The following B3GALNT1 variants were observed in gnomAD, a reference collection of about 807,000 sequenced individuals.
B3GALNT1 encodes UDP-GalNAc:beta-1,3-N-acetylgalactosaminyltransferase 1.
In B3GALNT1, 17 loss-of-function variants were observed where a neutral mutation model predicts 27.3. That is an observed-to-expected ratio of 0.62 (90% confidence interval 0.43 to 0.94). The LOEUF (loss-of-function observed/expected upper bound fraction) is 0.94, where lower values mean the gene tolerates loss of function less well. Ranked by LOEUF, B3GALNT1 falls within the 40% of genes least tolerant of loss-of-function variation. B3GALNT1 has a pLI of 0.00. For synonymous variants in B3GALNT1, 141 were observed against 144.0 expected (o/e 0.98, Z 0.15); for missense variants, 347 against 390.0 (o/e 0.89, Z 0.93).
rs1422532001 is a variant in B3GALNT1, at chr3:161,084,183, A to G, written c.*1576T>C. ...AGTCAAATCTAACCATGCCACAAAAATAACTACCACCATCTGTCTTAAAGA... is the reference window on the plus strand; with the variant it reads ...AGTCAAATCTAACCATGCCACAAAAGTAACTACCACCATCTGTCTTAAAGA... On this transcript the variant is annotated 3_prime_UTR_variant, in exon 5 of 5. Coordinates refer to ENST00000320474, the MANE Select transcript of B3GALNT1 (RefSeq NM_003781.4). 2 of 152,212 alleles carry G rather than the reference A, an allele frequency of 1.3e-5. No individual in the cohort carries two copies. Among genetic ancestry groups the G allele is most frequent in the Non-Finnish European group, 2.9e-5 (2 of 68,028 alleles). The allele number at this position is 152,212 out of a possible 1,614,324, so 9.4% of individuals were successfully genotyped here.
rs745535135 is a variant in B3GALNT1 at position 161,086,739 on chromosome 3, A to C, written c.16T>G (p.Trp6Gly). Reference sequence around the variant, plus strand: ...GACATCCTACTCGGAAGGACAGTCCAGAGAGCCGAGGCCATCCACAGCAGC... The same window carrying C: ...GACATCCTACTCGGAAGGACAGTCCCGAGAGCCGAGGCCATCCACAGCAGC... The part of the protein sequence containing the change: MASAL[W>G]TVLPSRMSLR... The change falls in exon 5 of 5, where the codon TGG (tryptophan) becomes GGG (glycine). Residue 6 changes from tryptophan (W) to glycine (G), a missense_variant. Trp to Gly is a radical substitution (Grantham distance 184). Transcript: ENST00000320474. 6.2e-7 allele frequency: 1 copy of C among 1,614,044 alleles called. No homozygotes were observed. The highest frequency in any genetic ancestry group is 8.5e-7 in the Non-Finnish European group (1 of 1,179,984).
At chr3:161,087,570 C>A (rs1252194788) in intron 4 of B3GALNT1, among the ~76,000 whole-genome samples, 5 of 152,172 alleles carry the variant, frequency 3.3e-5, no homozygotes, top group Non-Finnish European at 5.9e-5. Context: ...CCCATTCCAA[C>A]CTCTTCAGAA....
intron 4 of B3GALNT1, among the ~76,000 whole-genome samples, chr3:161,099,041 C>T (rs1405485552): frequency 6.6e-6 from 1 of 152,166 alleles, no homozygotes; most frequent in Admixed American, 6.5e-5. Context: ...TAAAAATTGG[C>T]TGATCCATCA....
chr3:161,087,081 C>A (rs1722438627), intron 4 of B3GALNT1, among the ~76,000 whole-genome samples: 1 of 152,034 alleles, frequency 6.6e-6, no homozygotes, highest in African/African-American at 2.4e-5. Flanking sequence ...TAATTCTATC[C>A]TAGGTGCAGA....
intron 4 of B3GALNT1, among the ~76,000 whole-genome samples, chr3:161,096,082 C>A (rs1162126795): frequency 6.6e-6 from 1 of 152,186 alleles, no homozygotes; most frequent in African/African-American, 2.4e-5. Context: ...AAACCTGACC[C>A]CACTTATTCA....
At chr3:161,098,020 A>G (rs1729120057) in intron 4 of B3GALNT1, among the ~76,000 whole-genome samples, 1 of 152,202 alleles carries the variant, frequency 6.6e-6, no homozygotes, top group South Asian at 2.1e-4. Flanking sequence ...CTCACATTAA[A>G]AAGAACCTGC....
At position 161,101,237 on chromosome 3, in the gene B3GALNT1, G is replaced by A. The variant is rs375715896; in HGVS notation, c.-129-4C>T. 35 of 1,289,260 alleles carry A rather than the reference G, an allele frequency of 2.7e-5. No individual in the cohort carries two copies. The highest frequency in any genetic ancestry group is 3.0e-5 in the African/African-American group (2 of 65,848). The allele number at this position is 1,289,260 out of a possible 1,614,324, so 79.9% of individuals were successfully genotyped here. On this transcript the variant is annotated splice_region_variant and splice_polypyrimidine_tract_variant and intron_variant, in intron 3 of 4. Coordinates refer to ENST00000320474, the MANE Select transcript of B3GALNT1 (RefSeq NM_003781.4). ...CGGGTCCAGGGAGCTAAGAAAACTG[G>A]AGCAGAGCAAAGATCACAAAGTCAG... is the stretch of plus-strand genomic sequence containing the variant.
chr3:161,103,533 GA>G lies in B3GALNT1; in HGVS notation c.-220-17del, dbSNP rs1393051346. On this transcript the variant is annotated splice_polypyrimidine_tract_variant and intron_variant, in intron 2 of 4. Coordinates refer to ENST00000320474, the MANE Select transcript of B3GALNT1 (RefSeq NM_003781.4). ...TTGTGAACTACTGAACAGAAGAACA[GA>G]AAAAAATATATATGAGTCATAACAT... 1.8e-5 allele frequency: 19 copies of G among 1,063,858 alleles called. No homozygotes were observed. The highest frequency in any genetic ancestry group is 2.8e-5 in the South Asian group (2 of 71,132). The allele number at this position is 1,063,858 out of a possible 1,614,324, so 65.9% of individuals were successfully genotyped here. A position where few individuals can be genotyped will look rare whatever the true frequency, so the allele number is the denominator to read the frequency against.
chr3:161,093,821 G>C (rs1220765733), intron 4 of B3GALNT1, among the ~76,000 whole-genome samples: 2 of 151,732 alleles, frequency 1.3e-5, no homozygotes, highest in Non-Finnish European at 2.9e-5. Flanking sequence ...GGAACAGTGA[G>C]ACCCCATAGA....
intron 4 of B3GALNT1, among the ~76,000 whole-genome samples, chr3:161,092,798 G>A (rs1036366017): frequency 5.8e-5 from 7 of 120,398 alleles, no homozygotes; most frequent in African/African-American, 2.0e-4. Flanking sequence ...ATGGAGTCTC[G>A]CTCTGTCGCC....
At chr3:161,096,987 T>G (rs1343022297) in intron 4 of B3GALNT1, among the ~76,000 whole-genome samples, 2 of 152,190 alleles carry the variant, frequency 1.3e-5, no homozygotes, top group African/African-American at 4.8e-5. Context: ...AGCTCCCAGG[T>G]GATTTGAATG....
At chr3:161,087,468 C>T (rs1216118786) in intron 4 of B3GALNT1, among the ~76,000 whole-genome samples, 1 of 152,014 alleles carries the variant, frequency 6.6e-6, no homozygotes, top group African/African-American at 2.4e-5. Context: ...CACCTCTCCC[C>T]TCCTTTTACC....
chr3:161,098,387 C>G (rs890681600), intron 4 of B3GALNT1, among the ~76,000 whole-genome samples: 1 of 152,128 alleles, frequency 6.6e-6, no homozygotes, highest in Non-Finnish European at 1.5e-5. Context: ...CACCTCTGTT[C>G]TTCTTCAGAG....
In B3GALNT1 at chr3:161,085,815, TG is replaced by T. The variant is rs1198187235; in HGVS notation, c.939del (p.Lys314ArgfsTer11). 12 of 1,614,062 alleles carry T rather than the reference TG, an allele frequency of 7.4e-6. No homozygotes were observed. The highest frequency in any genetic ancestry group is 9.3e-6 in the Non-Finnish European group (11 of 1,180,032). ...ACCTGCCAAAAAGTGATGATCTCCT[TG>T]GAAGAAAAGCCATGGGCTGCAATCA... ...RRVIAAHGFS[S>X]KEIITFWQVM... On this transcript the variant is annotated frameshift_variant, in exon 5 of 5. Coordinates refer to ENST00000320474, the MANE Select transcript of B3GALNT1 (RefSeq NM_003781.4). LOFTEE classifies it high-confidence loss of function.
At chr3:161,087,961 A>G (rs1722900858) in intron 4 of B3GALNT1, among the ~76,000 whole-genome samples, 1 of 152,188 alleles carries the variant, frequency 6.6e-6, no homozygotes, top group Non-Finnish European at 1.5e-5. Context: ...TAAGGGACAG[A>G]TGAACAACAT....
chr3:161,100,832 TG>T (rs760791165), intron 4 of B3GALNT1, among the ~76,000 whole-genome samples: 1 of 151,274 alleles, frequency 6.6e-6, no homozygotes, highest in Non-Finnish European at 1.5e-5. Context: ...TTAGCAGGGC[TG>T]TTTTTTTTTT....
rs1181745457 is a variant in B3GALNT1, at chr3:161,085,974, T to G, written c.781A>C (p.Lys261Gln). 6.3e-7 allele frequency: 1 copy of G among 1,592,572 alleles called. No homozygotes were observed. The highest frequency in any genetic ancestry group is 1.8e-5 in the Admixed American group (1 of 56,856). ...PRIYEMMGHV[K>Q]PIKFEDVYVG... ...TAAACATCTTCAAACTTGATGGGTT[T>G]TACGTGACCCATCATTTCATAGATC... Residue 261 changes from lysine to glutamine, a missense_variant, in exon 5 of 5, where the codon AAA (lysine) becomes CAA (glutamine). Physicochemically the swap from Lys to Gln is moderately conservative, Grantham distance 53. Coordinates refer to ENST00000320474, the MANE Select transcript of B3GALNT1 (RefSeq NM_003781.4).
At chr3:161,101,737 T>G (rs116135633) in intron 3 of B3GALNT1, among the ~76,000 whole-genome samples, 1 of 152,178 alleles carries the variant, frequency 6.6e-6, no homozygotes, top group Admixed American at 6.5e-5. Context: ...TAGTGCCCAA[T>G]AGAGGCATAA....
At chr3:161,095,566 C>G (rs1727662212) in intron 4 of B3GALNT1, among the ~76,000 whole-genome samples, 1 of 152,158 alleles carries the variant, frequency 6.6e-6, no homozygotes, top group African/African-American at 2.4e-5. Context: ...CTTGACATGG[C>G]TTGGAGGTGC....
Sources: gnomAD v4.1 joint callset for allele counts (sites outside exome capture counted in the v4.1 genomes callset) on GRCh38, gnomAD v4.1.1 for gene constraint, MANE v1.5 for transcripts, NCBI Gene and HGNC (gene_info 2026-07-23, HGNC 2026-07-21) for gene names.